ELP4: variants seen among roughly 807,000 people sequenced by gnomAD.
ELP4 encodes the protein elongator acetyltransferase complex subunit 4.
In ELP4, 51 loss-of-function variants were observed where a neutral mutation model predicts 48.9. The ratio of observed to expected loss-of-function variants is 1.04; its 90% CI spans 0.83 to 1.32. The LOEUF is 1.32. Among genes scored for constraint, ELP4 ranks in the 40% most tolerant of loss-of-function variants. The probability of loss-of-function intolerance (pLI) is 0.00; values close to 1 mark genes in which losing one functional copy is unlikely to be tolerated. For synonymous variants in ELP4, 210 were observed against 189.2 expected (o/e 1.11, Z -0.90); for missense variants, 519 against 514.6 (o/e 1.01, Z -0.08).
At chr11:31,580,466 ACTT>A (rs1957370225) in intron 3 of ELP4, among the ~76,000 whole-genome samples, 1 of 151,928 alleles carries the variant, frequency 6.6e-6, no homozygotes. Flanking sequence ...CATTTATTTG[ACTT>A]CTTATTTCTG....
At position 31,627,189 on chromosome 11, in the gene ELP4, C is replaced by T. The variant is rs765154227; in HGVS notation, c.733C>T (p.Pro245Ser). The change falls in exon 6 of 10, where the codon CCT (proline) becomes TCT (serine). Residue 245 changes from proline (P) to serine (S), a missense_variant. Transcript: ENST00000640961. The part of the protein sequence containing the change: ...IYEEGFDGSN[P>S]QKKQRNILRI... ...TGAGGAAGGATTTGATGGATCCAAT[C>T]CTCAGGTATTAAATAGCTTCAAAGT... 1 of 1,480,476 alleles carries T rather than the reference C, an allele frequency of 6.8e-7. No individual in the cohort carries two copies. The highest frequency in any genetic ancestry group is 1.9e-5 in the Admixed American group (1 of 52,210). The allele number at this position is 1,480,476 out of a possible 1,614,324, so 91.7% of individuals were successfully genotyped here. A position where few individuals can be genotyped will look rare whatever the true frequency, so the allele number is the denominator to read the frequency against.
chr11:31,656,532 A>G (rs555139343), intron 9 of ELP4, among the ~76,000 whole-genome samples: 3 of 152,216 alleles, frequency 2.0e-5, no homozygotes, highest in Admixed American at 2.0e-4. Flanking sequence ...TAATTTTTAT[A>G]TAAAAATCTT....
At chr11:31,771,549 C>T (rs765186971) in intron 9 of ELP4, among the ~76,000 whole-genome samples, 1 of 152,240 alleles carries the variant, frequency 6.6e-6, no homozygotes, top group African/African-American at 2.4e-5. Flanking sequence ...CTCCCCTGCT[C>T]ATTGACTGCT....
At chr11:31,676,253 T>C (rs536275817) in intron 9 of ELP4, among the ~76,000 whole-genome samples, 1 of 152,362 alleles carries the variant, frequency 6.6e-6, no homozygotes, top group South Asian at 2.1e-4. Context: ...ACTGCCTCAA[T>C]GCCCTCAAAT....
chr11:31,753,507 G>GA (rs1947770528), intron 9 of ELP4, among the ~76,000 whole-genome samples: 1 of 152,184 alleles, frequency 6.6e-6, no homozygotes, highest in Non-Finnish European at 1.5e-5. Context: ...AGAAGTAAGA[G>GA]AAACAGGAAC....
At chr11:31,687,609 G>C (rs1463747306) in intron 9 of ELP4, 1 of 152,128 alleles carries the variant, frequency 6.6e-6, no homozygotes, top group East Asian at 1.9e-4. Context: ...AGTAGAAAAA[G>C]TGAATGGGAG....
intron 9 of ELP4, among the ~76,000 whole-genome samples, chr11:31,708,635 A>G (rs1946681285): frequency 6.6e-6 from 1 of 152,136 alleles, no homozygotes; most frequent in East Asian, 1.9e-4. Context: ...GATTTCAAGT[A>G]GTATCTCAGT....
intron 9 of ELP4, among the ~76,000 whole-genome samples, chr11:31,777,008 T>C (rs777843911): frequency 6.6e-6 from 1 of 152,188 alleles, no homozygotes; most frequent in African/African-American, 2.4e-5. Flanking sequence ...CCTATTCATA[T>C]ATGACAATAA....
intron 9 of ELP4, among the ~76,000 whole-genome samples, chr11:31,751,779 A>G (rs936162882): frequency 1.3e-5 from 2 of 152,248 alleles, no homozygotes; most frequent in East Asian, 1.9e-4. Context: ...CCCTGTCTCA[A>G]TGCCTGGTAC....
chr11:31,771,993 AT>A (rs985554883), intron 9 of ELP4, among the ~76,000 whole-genome samples: 12 of 152,024 alleles, frequency 7.9e-5, no homozygotes, highest in African/African-American at 2.9e-4. Context: ...AAAAAAAAAA[AT>A]TAGGTCTTAG....
At chr11:31,548,820 G>GA (rs1350198593) in intron 3 of ELP4, among the ~76,000 whole-genome samples, 10 of 152,170 alleles carry the variant, frequency 6.6e-5, no homozygotes, top group Admixed American at 2.0e-4. Flanking sequence ...AGAGCCCTCA[G>GA]AAAAAATGCT....
At chr11:31,690,796 CTTTTTT>C (rs10653769) in intron 9 of ELP4, among the ~76,000 whole-genome samples, 2 of 109,608 alleles carry the variant, frequency 1.8e-5, no homozygotes, top group Non-Finnish European at 1.9e-5. Flanking sequence ...GTTTTTTTTC[CTTTTTT>C]TTTTTTTTTT....
intron 3 of ELP4, among the ~76,000 whole-genome samples, chr11:31,542,347 C>A (rs1032964840): frequency 6.6e-6 from 1 of 152,124 alleles, no homozygotes; most frequent in Admixed American, 6.5e-5. Flanking sequence ...AGGTATGCAT[C>A]GAGTGAGTTA....
At chr11:31,775,894 G>A (rs1948235456) in intron 9 of ELP4, among the ~76,000 whole-genome samples, 1 of 152,124 alleles carries the variant, frequency 6.6e-6, no homozygotes, top group African/African-American at 2.4e-5. Flanking sequence ...GAACCCAGGA[G>A]GTGGAGGTTG....
At chr11:31,619,190 G>A (rs563815123) in intron 5 of ELP4, among the ~76,000 whole-genome samples, 32 of 152,090 alleles carry the variant, frequency 2.1e-4, no homozygotes, top group African/African-American at 7.0e-4. Flanking sequence ...AGTAGAAAAG[G>A]AGAAGTTAAT....
chr11:31,518,716 G>A (rs1592077461), intron 1 of ELP4, among the ~76,000 whole-genome samples: 1 of 151,466 alleles, frequency 6.6e-6, no homozygotes, highest in East Asian at 2.0e-4. Context: ...GCAACATAGT[G>A]AAACCCCGTC....
At chr11:31,592,427 A>G (rs1477198319) in intron 3 of ELP4, among the ~76,000 whole-genome samples, 1 of 151,724 alleles carries the variant, frequency 6.6e-6, no homozygotes, top group Non-Finnish European at 1.5e-5. Context: ...CTGTAGTCCC[A>G]TCTACTCAGG....
At chr11:31,571,010 G>A (rs1440184805) in intron 3 of ELP4, among the ~76,000 whole-genome samples, 1 of 151,652 alleles carries the variant, frequency 6.6e-6, no homozygotes, top group Non-Finnish European at 1.5e-5. Flanking sequence ...ATATTGGCCA[G>A]GCTGGTCTCA....
At chr11:31,632,449 T>C in intron 7 of ELP4, 44 bp downstream of exon 7, 1 of 1,481,462 alleles carries the variant, frequency 6.8e-7, no homozygotes, top group Non-Finnish European at 9.1e-7. Flanking sequence ...CATAGTAATA[T>C]AGTATGACAT....
Sources: gnomAD v4.1 joint callset for allele counts (sites outside exome capture counted in the v4.1 genomes callset) on GRCh38, gnomAD v4.1.1 for gene constraint, MANE v1.5 for transcripts, NCBI Gene and HGNC (gene_info 2026-07-23, HGNC 2026-07-21) for gene names.